Variants in RALYL observed in about 807,000 individuals in gnomAD.
The protein encoded by RALYL is RNA-binding Raly-like protein.
Under a neutral mutation model 35.1 loss-of-function variants are expected in RALYL, and 29 were observed. That is an observed-to-expected ratio of 0.83 (90% confidence interval 0.61 to 1.13). RALYL has a LOEUF of 1.13. Ranked by LOEUF, RALYL falls within the 50% of genes most tolerant of loss-of-function variation. The pLI, the probability that RALYL is intolerant of heterozygous loss-of-function variation, is 0.00. For missense variants in RALYL, 359 were observed against 360.4 expected (o/e 1.00, Z 0.03); for synonymous variants, 120 against 127.6 (o/e 0.94, Z 0.40).
At chr8:84,273,909 A>G (rs1162177482) in intron 1 of RALYL, among the ~76,000 whole-genome samples, 1 of 152,236 alleles carries the variant, frequency 6.6e-6, no homozygotes, top group Non-Finnish European at 1.5e-5. Flanking sequence ...CTCACTTAGC[A>G]TCAATCTAGA....
At chr8:84,356,002 C>A (rs537155264) in intron 1 of RALYL, among the ~76,000 whole-genome samples, 2 of 149,710 alleles carry the variant, frequency 1.3e-5, no homozygotes, top group African/African-American at 2.5e-5. Flanking sequence ...TGAGTGAGTT[C>A]TTGGGAGATC....
intron 2 of RALYL, among the ~76,000 whole-genome samples, chr8:84,621,290 A>T (rs922204580): frequency 6.6e-6 from 1 of 152,006 alleles, no homozygotes; most frequent in Non-Finnish European, 1.5e-5. Flanking sequence ...GCAGGATATA[A>T]TCTCGTGGTC....
intron 4 of RALYL, among the ~76,000 whole-genome samples, chr8:84,829,636 A>C (rs1224989078): frequency 1.3e-5 from 2 of 152,196 alleles, no homozygotes; most frequent in Non-Finnish European, 2.9e-5. Flanking sequence ...AAAATCAATC[A>C]AACCAAACAC....
At chr8:84,812,105 G>C (rs1343797817) in intron 4 of RALYL, among the ~76,000 whole-genome samples, 1 of 152,110 alleles carries the variant, frequency 6.6e-6, no homozygotes, top group Non-Finnish European at 1.5e-5. Context: ...TTGGTTTTCT[G>C]GTTCCCTTTC....
intron 1 of RALYL, among the ~76,000 whole-genome samples, chr8:84,477,063 C>T (rs10092825): frequency 0.039 from 6,007 of 152,168 alleles, 240 homozygotes; most frequent in African/African-American, 0.098. Context: ...AATTTGAAAT[C>T]ATGCTATGAG....
intron 1 of RALYL, among the ~76,000 whole-genome samples, chr8:84,528,039 C>G (rs552564750): frequency 9.9e-5 from 15 of 152,186 alleles, no homozygotes; most frequent in Admixed American, 2.0e-4. Context: ...TCAAGCATAT[C>G]CAATTTACAT....
intron 8 of RALYL, among the ~76,000 whole-genome samples, chr8:84,900,872 T>C (rs1845569271): frequency 1.3e-5 from 2 of 152,196 alleles, no homozygotes; most frequent in Non-Finnish European, 2.9e-5. Context: ...ATCAAGACTA[T>C]TGTAGTAAGA....
intron 1 of RALYL, among the ~76,000 whole-genome samples, chr8:84,484,122 C>T (rs2133931616): frequency 6.6e-6 from 1 of 152,226 alleles, no homozygotes; most frequent in African/African-American, 2.4e-5. Flanking sequence ...AATAAACTAA[C>T]AAATTCAATA....
intron 1 of RALYL, among the ~76,000 whole-genome samples, chr8:84,311,796 C>G (rs968701637): frequency 6.6e-6 from 1 of 152,134 alleles, no homozygotes. Context: ...ATTTAAGAAG[C>G]ATGGTACTGT....
At position 84,763,295 on chromosome 8, in the gene RALYL, G is replaced by C. The variant is rs960185107; in HGVS notation, c.257-11284G>C. 7.9e-5 allele frequency among the ~76,000 whole-genome samples: 12 copies of C among 152,150 alleles called. No homozygotes were observed. In the South Asian group the frequency reaches 1.4e-3, roughly 18 times the overall value. On this transcript the variant is annotated intron_variant, in intron 2 of 8. Transcript: ENST00000521268. ...TGCTTCACCAAGGTAAAACCTGAGA[G>C]TTCTCAAGGAAACTGATGATCCCGA...
At chr8:84,195,309 A>G (rs1022658018) in intron 1 of RALYL, among the ~76,000 whole-genome samples, 1 of 152,102 alleles carries the variant, frequency 6.6e-6, no homozygotes, top group Non-Finnish European at 1.5e-5. Flanking sequence ...GTGTGGTGGC[A>G]TGCGCCTGTA....
At chr8:84,368,048 C>T (rs1236882427) in intron 1 of RALYL, among the ~76,000 whole-genome samples, 1 of 152,112 alleles carries the variant, frequency 6.6e-6, no homozygotes, top group African/African-American at 2.4e-5. Flanking sequence ...TCTATCATAC[C>T]ACTGTACTTC....
chr8:84,337,437 A>C (rs1450295704), intron 1 of RALYL, among the ~76,000 whole-genome samples: 1 of 152,040 alleles, frequency 6.6e-6, no homozygotes, highest in Non-Finnish European at 1.5e-5. Flanking sequence ...AGTGCAAAAA[A>C]GCTGCAGAAG....
intron 1 of RALYL, among the ~76,000 whole-genome samples, chr8:84,359,531 T>C (rs1852522958): frequency 6.6e-6 from 1 of 152,088 alleles, no homozygotes; most frequent in African/African-American, 2.4e-5. Flanking sequence ...AAGAAGTATT[T>C]TAGTCATGTC....
chr8:84,439,710 A>G (rs1303264094), intron 1 of RALYL, among the ~76,000 whole-genome samples: 1 of 152,044 alleles, frequency 6.6e-6, no homozygotes, highest in African/African-American at 2.4e-5. Flanking sequence ...TCCTGATTTT[A>G]GTAATTAAAA....
At chr8:84,541,337 T>A (rs996461462) in intron 2 of RALYL, among the ~76,000 whole-genome samples, 2 of 152,006 alleles carry the variant, frequency 1.3e-5, no homozygotes, top group Non-Finnish European at 2.9e-5. Flanking sequence ...CTAGTTCATG[T>A]CTATATTTCT....
intron 1 of RALYL, among the ~76,000 whole-genome samples, chr8:84,219,516 G>T (rs1460092197): frequency 6.6e-6 from 1 of 151,916 alleles, no homozygotes; most frequent in Non-Finnish European, 1.5e-5. Flanking sequence ...TTTTGTTTTT[G>T]TGTGCGTGTG....
chr8:84,519,035 C>T (rs755649362), intron 1 of RALYL, among the ~76,000 whole-genome samples: 12 of 152,166 alleles, frequency 7.9e-5, no homozygotes, highest in African/African-American at 1.9e-4. Flanking sequence ...AGTGAATATA[C>T]AAGAACAGTC....
chr8:84,726,353 G>A (rs1403178575), intron 2 of RALYL, among the ~76,000 whole-genome samples: 1 of 146,502 alleles, frequency 6.8e-6, no homozygotes, highest in Non-Finnish European at 1.5e-5. Flanking sequence ...TGTAGGTATA[G>A]TCCTGTGCAA....
Sources: allele counts gnomAD v4.1 joint callset (sites outside exome capture counted in the v4.1 genomes callset), GRCh38; gene constraint gnomAD v4.1.1; transcripts MANE v1.5; gene names NCBI Gene and HGNC (gene_info 2026-07-23, HGNC 2026-07-21).